The following CXCL13 variants were observed in gnomAD, a reference collection of about 807,000 sequenced individuals.
CXCL13 encodes C-X-C motif chemokine 13.
In CXCL13, 7 loss-of-function variants were observed where a neutral mutation model predicts 12.2. The observed-to-expected ratio is 0.57, with a 90% CI of 0.33 to 1.07. The LOEUF is 1.07. Among genes scored for constraint, CXCL13 ranks in the 50% least tolerant of loss-of-function variants. The probability of loss-of-function intolerance (pLI) is 0.04; values close to 1 mark genes in which losing one functional copy is unlikely to be tolerated. For synonymous variants in CXCL13, 47 were observed against 42.4 expected, an observed-to-expected ratio of 1.11 and a Z score of -0.42; for missense variants, 113 against 127.4, an observed-to-expected ratio of 0.89 and a Z score of 0.55.
intron 1 of CXCL13, among the ~76,000 whole-genome samples, chr4:77,562,441 G>T (rs1578055123): frequency 6.6e-6 from 1 of 152,156 alleles, no homozygotes; most frequent in South Asian, 2.1e-4. Flanking sequence ...TTTATGTCTA[G>T]CTAAGGGATT....
intron 1 of CXCL13, among the ~76,000 whole-genome samples, chr4:77,566,111 A>C (rs1490126105): frequency 6.6e-6 from 1 of 152,206 alleles, no homozygotes; most frequent in Non-Finnish European, 1.5e-5. Flanking sequence ...AAGTTTGGTG[A>C]TGAAGGCACA....
intron 1 of CXCL13, among the ~76,000 whole-genome samples, chr4:77,606,175 A>G (rs1256303822): frequency 6.6e-6 from 1 of 152,216 alleles, no homozygotes; most frequent in Admixed American, 6.5e-5. Flanking sequence ...CATGTGAATT[A>G]TATATTCCCA....
intron 1 of CXCL13, among the ~76,000 whole-genome samples, chr4:77,527,899 A>G (rs755844702): frequency 6.6e-5 from 10 of 152,090 alleles, no homozygotes; most frequent in Non-Finnish European, 1.2e-4. Context: ...ATTTAACATT[A>G]GGTATATCTC....
At chr4:77,512,916 T>C (rs1242363954) in intron 1 of CXCL13, among the ~76,000 whole-genome samples, 1 of 152,166 alleles carries the variant, frequency 6.6e-6, no homozygotes, top group Non-Finnish European at 1.5e-5. Flanking sequence ...CTCCTAATGC[T>C]ATACCTCACC....
intron 1 of CXCL13, among the ~76,000 whole-genome samples, chr4:77,574,083 A>G (rs939279881): frequency 2.6e-5 from 4 of 152,088 alleles, no homozygotes; most frequent in African/African-American, 9.7e-5. Context: ...TAGAGATATA[A>G]AAGGATTTTT....
At chr4:77,544,204 C>T (rs903875986) in intron 1 of CXCL13, among the ~76,000 whole-genome samples, 13 of 152,164 alleles carry the variant, frequency 8.5e-5, no homozygotes, top group African/African-American at 2.9e-4. Context: ...CCGCAATAAA[C>T]GTATGTGTGC....
In CXCL13 at chr4:77,608,280, A is replaced by C. The variant is rs558743490; in HGVS notation, c.197+445A>C. Among the ~76,000 whole-genome samples, 6 of 152,244 alleles carry C rather than the reference A, an allele frequency of 3.9e-5. No individual in the cohort carries two copies. The South Asian group carries it at 6.2e-4, about 16-fold the overall frequency. On this transcript the variant is annotated intron_variant, in intron 2 of 3. Coordinates refer to ENST00000682537, the MANE Select transcript of CXCL13 (RefSeq NM_001371558.1). ...ACATGGAGAAACCCCGTCTCTACTA[A>C]AAATACAAAATTAGCCGGGTGTGGT...
chr4:77,554,023 A>G (rs1224990025), intron 1 of CXCL13, among the ~76,000 whole-genome samples: 2 of 152,190 alleles, frequency 1.3e-5, no homozygotes, highest in African/African-American at 4.8e-5. Flanking sequence ...TAACCATTTT[A>G]CAATATATAT....
At chr4:77,606,065 C>A in intron 1 of CXCL13, 136 bp downstream of exon 1, 1 of 462,158 alleles carries the variant, frequency 2.2e-6, no homozygotes, top group East Asian at 3.3e-5. Flanking sequence ...CTAGATTTCT[C>A]AAAGTAAGGT....
rs561819191 is a variant in CXCL13, at chr4:77,578,055, T to A, written c.-42-27769T>A. On this transcript the variant is annotated intron_variant, in intron 1 of 4. Coordinates refer to the CXCL13 transcript ENST00000286758. ...AAACTGGTTGGCTTAGGATTGGGCCTGGGGAATGGAACCCAGAAGACTGAC... is the reference window on the plus strand; with the variant it reads ...AAACTGGTTGGCTTAGGATTGGGCCAGGGGAATGGAACCCAGAAGACTGAC... Among the ~76,000 whole-genome samples the A allele has an allele frequency of 4.6e-5, 7 of 152,280 alleles. No homozygotes were observed. The East Asian group carries it at 1.3e-3, about 29-fold the overall frequency.
At chr4:77,610,767 A>T in intron 3 of CXCL13, 73 bp downstream of exon 3, 2 of 1,155,826 alleles carry the variant, frequency 1.7e-6, no homozygotes, top group Admixed American at 3.4e-5. Flanking sequence ...GGCAGTCAAA[A>T]TAGGGACTAG....
intron 1 of CXCL13, among the ~76,000 whole-genome samples, chr4:77,571,773 G>C (rs531554979): frequency 6.6e-6 from 1 of 151,706 alleles, no homozygotes; most frequent in Non-Finnish European, 1.5e-5. Flanking sequence ...TGGAAGCTTT[G>C]TTCTTTTGCT....
At chr4:77,547,431 A>G (rs1725392731) in intron 1 of CXCL13, among the ~76,000 whole-genome samples, 1 of 152,318 alleles carries the variant, frequency 6.6e-6, no homozygotes, top group Non-Finnish European at 1.5e-5. Context: ...GGGTGCATAT[A>G]TATAGTTAGG....
intron 1 of CXCL13, among the ~76,000 whole-genome samples, chr4:77,598,712 T>A (rs1726823398): frequency 6.6e-6 from 1 of 152,200 alleles, no homozygotes; most frequent in Non-Finnish European, 1.5e-5. Context: ...ACTAACACAT[T>A]GAGACTCCAT....
intron 1 of CXCL13, among the ~76,000 whole-genome samples, chr4:77,564,897 G>A (rs565782404): frequency 1.7e-4 from 26 of 152,326 alleles, no homozygotes; most frequent in African/African-American, 6.0e-4. Context: ...CATTTCTTCA[G>A]GGGTAGGGGT....
intron 1 of CXCL13, among the ~76,000 whole-genome samples, chr4:77,547,009 T>G (rs928784944): frequency 6.6e-6 from 1 of 152,228 alleles, no homozygotes; most frequent in South Asian, 2.1e-4. Flanking sequence ...CCAGTAGTCA[T>G]TCAGGAGCAG....
intron 1 of CXCL13, among the ~76,000 whole-genome samples, chr4:77,556,971 C>T (rs992113752): frequency 6.6e-6 from 1 of 151,942 alleles, no homozygotes; most frequent in Admixed American, 6.6e-5. Context: ...GATTTATGAT[C>T]GTGCCACTGC....
chr4:77,603,773 T>G (rs1022666143), upstream of CXCL13, among the ~76,000 whole-genome samples: 4 of 151,998 alleles, frequency 2.6e-5, no homozygotes, highest in African/African-American at 9.7e-5. Context: ...AATGGAGCAG[T>G]TTTTTCCCAA....
At chr4:77,596,614 A>G (rs113960383) in intron 1 of CXCL13, among the ~76,000 whole-genome samples, 3,945 of 151,880 alleles carry the variant, frequency 0.026, 160 homozygotes, top group African/African-American at 0.085. Context: ...GTGAAACCCC[A>G]TCTCTACTAA....
Sources: allele counts gnomAD v4.1 joint callset (sites outside exome capture counted in the v4.1 genomes callset), GRCh38; gene constraint gnomAD v4.1.1; transcripts MANE v1.5; gene names NCBI Gene and HGNC (gene_info 2026-07-23, HGNC 2026-07-21).